The following GRID2 variants were observed in gnomAD, a reference collection of about 807,000 sequenced individuals.
GRID2 encodes the protein glutamate ionotropic receptor delta type subunit 2.
In GRID2, 33 loss-of-function variants were observed where a neutral mutation model predicts 114.8. The observed-to-expected ratio is 0.29, with a 90% CI of 0.22 to 0.38. The LOEUF is 0.38. Among genes scored for constraint, GRID2 ranks in the 10% least tolerant of loss-of-function variants. GRID2 has a pLI of 1.00. For missense variants in GRID2, 1,184 were observed against 1,257.7 expected (o/e 0.94, Z 0.89); for synonymous variants, 505 against 449.9 (o/e 1.12, Z -1.55).
chr4:93,810,232 T>C (rs1251785487), downstream of GRID2: 3 of 152,208 alleles, frequency 2.0e-5, no homozygotes, highest in Non-Finnish European at 4.4e-5. Flanking sequence ...ATTACTGATG[T>C]AGCTTACATA....
At chr4:92,729,091 G>T (rs541080929) in intron 2 of GRID2, among the ~76,000 whole-genome samples, 1 of 151,954 alleles carries the variant, frequency 6.6e-6, no homozygotes, top group Non-Finnish European at 1.5e-5. Context: ...CTCTGGCCTT[G>T]CTTATATTAT....
chr4:93,769,142 T>C (rs1733914391), intron 14 of GRID2, 68 bp from the exon 15 acceptor site: 1 of 1,501,600 alleles, frequency 6.7e-7, no homozygotes. Flanking sequence ...GGATTATAAA[T>C]GGATGTGTTG....
At chr4:92,931,944 A>G (rs1036416834) in intron 2 of GRID2, among the ~76,000 whole-genome samples, 2 of 151,244 alleles carry the variant, frequency 1.3e-5, no homozygotes, top group Admixed American at 1.3e-4. Context: ...ATATGCTTTC[A>G]TTTTATTTCA....
At chr4:92,478,787 C>T (rs559817089) in intron 1 of GRID2, among the ~76,000 whole-genome samples, 10 of 152,140 alleles carry the variant, frequency 6.6e-5, no homozygotes, top group Middle Eastern at 6.8e-3. Flanking sequence ...TCCTTCTGTA[C>T]GCCTCTCCCA....
At chr4:93,088,878 G>A (rs1316688603) in intron 3 of GRID2, among the ~76,000 whole-genome samples, 1 of 152,004 alleles carries the variant, frequency 6.6e-6, no homozygotes, top group Non-Finnish European at 1.5e-5. Context: ...GTCTGACAGA[G>A]CCTATGATCT....
intron 1 of GRID2, among the ~76,000 whole-genome samples, chr4:92,449,676 G>GATATATATGTAT (rs1720787908): frequency 1.0e-5 from 1 of 96,764 alleles, no homozygotes; most frequent in Non-Finnish European, 2.0e-5. Flanking sequence ...TTTTCTTACT[G>GATATATATGTAT]ATATATATAT....
intron 1 of GRID2, among the ~76,000 whole-genome samples, chr4:92,439,029 A>G (rs1331421260): frequency 6.6e-6 from 1 of 152,140 alleles, no homozygotes; most frequent in Non-Finnish European, 1.5e-5. Context: ...ACCTGGGGGC[A>G]GGTGGGCTGA....
intron 2 of GRID2, among the ~76,000 whole-genome samples, chr4:92,855,252 C>G (rs1193126817): frequency 6.6e-6 from 1 of 151,990 alleles, no homozygotes; most frequent in Admixed American, 6.6e-5. Flanking sequence ...AAGTTTCTAC[C>G]TCTGTATGTC....
chr4:93,177,863 A>G (rs1023300852), intron 4 of GRID2, among the ~76,000 whole-genome samples: 1 of 152,128 alleles, frequency 6.6e-6, no homozygotes, highest in African/African-American at 2.4e-5. Flanking sequence ...AGCTGTTTAC[A>G]ATGATTACTT....
chr4:92,691,521 A>C (rs1198839870), intron 2 of GRID2, among the ~76,000 whole-genome samples: 1 of 152,186 alleles, frequency 6.6e-6, no homozygotes, highest in Non-Finnish European at 1.5e-5. Context: ...AAGCAGAGCT[A>C]AGTGGTTTTG....
At chr4:93,349,688 A>G (rs1760601191) in intron 8 of GRID2, among the ~76,000 whole-genome samples, 1 of 152,070 alleles carries the variant, frequency 6.6e-6, no homozygotes, top group Admixed American at 6.6e-5. Flanking sequence ...AGTCACCTTA[A>G]TGTAAAGTCA....
At position 92,855,378 on chromosome 4, in the gene GRID2, G is replaced by T. The variant is rs2149428123; in HGVS notation, c.245-229617G>T. On this transcript the variant is annotated intron_variant, in intron 2 of 15. Transcript: ENST00000282020. ...CTGCACATCAGATAAAAAATTATTT[G>T]TTATTATTACTATATTTATTATTTA... 2.0e-5 allele frequency among the ~76,000 whole-genome samples: 3 copies of T among 151,910 alleles called. No homozygotes were observed. In the East Asian group the frequency reaches 5.8e-4, roughly 29 times the overall value.
chr4:92,440,949 A>C (rs1302980966), intron 1 of GRID2, among the ~76,000 whole-genome samples: 2 of 151,976 alleles, frequency 1.3e-5, no homozygotes, highest in African/African-American at 4.8e-5. Flanking sequence ...AGGTATGAGG[A>C]AGAAAATAGA....
At chr4:92,769,655 C>T (rs1299645980) in intron 2 of GRID2, among the ~76,000 whole-genome samples, 3 of 152,218 alleles carry the variant, frequency 2.0e-5, no homozygotes, top group East Asian at 3.9e-4. Context: ...CTTCTGTGCA[C>T]CTGCAGGCTC....
chr4:92,800,168 G>T (rs1272318224), intron 2 of GRID2, among the ~76,000 whole-genome samples: 1 of 151,900 alleles, frequency 6.6e-6, no homozygotes, highest in African/African-American at 2.4e-5. Context: ...ACGTGAGTCA[G>T]TTAAGGATAT....
intron 13 of GRID2, among the ~76,000 whole-genome samples, chr4:93,596,206 T>C (rs1192486940): frequency 6.6e-6 from 1 of 152,256 alleles, no homozygotes. Context: ...CAATTGTATA[T>C]GTTTAATGTA....
intron 5 of GRID2, among the ~76,000 whole-genome samples, chr4:93,211,138 A>G (rs972580529): frequency 6.6e-6 from 1 of 152,130 alleles, no homozygotes. Flanking sequence ...TTTAATATCC[A>G]ATTTAGCTTC....
At chr4:92,524,919 G>T (rs1486179108) in intron 1 of GRID2, among the ~76,000 whole-genome samples, 1 of 152,050 alleles carries the variant, frequency 6.6e-6, no homozygotes, top group African/African-American at 2.4e-5. Flanking sequence ...GACATTTACA[G>T]AGCACAATAA....
At chr4:93,250,670 TA>T (rs1748790190) in intron 8 of GRID2, among the ~76,000 whole-genome samples, 1 of 146,950 alleles carries the variant, frequency 6.8e-6, no homozygotes, top group Non-Finnish European at 1.5e-5. Context: ...TATATTTATA[TA>T]TTTTATATAT....
Sources: gnomAD v4.1 joint callset for allele counts (sites outside exome capture counted in the v4.1 genomes callset) on GRCh38, gnomAD v4.1.1 for gene constraint, MANE v1.5 for transcripts, NCBI Gene and HGNC (gene_info 2026-07-23, HGNC 2026-07-21) for gene names.